CHCHD3: variants seen among roughly 807,000 people sequenced by gnomAD.
CHCHD3 encodes the protein coiled-coil-helix-coiled-coil-helix domain containing 3.
CHCHD3 carries 20 observed loss-of-function variants against 38.2 expected under a neutral mutation model. The observed-to-expected ratio is 0.52, with a 90% CI of 0.37 to 0.76. The LOEUF (loss-of-function observed/expected upper bound fraction) is 0.76. Ranked by LOEUF, CHCHD3 falls within the 30% of genes least tolerant of loss-of-function variation. The probability of loss-of-function intolerance (pLI) is 0.00; values close to 1 mark genes in which losing one functional copy is unlikely to be tolerated. For synonymous variants in CHCHD3, 82 were observed against 100.0 expected, an observed-to-expected ratio of 0.82 and a Z score of 1.07; for missense variants, 245 against 279.2, an observed-to-expected ratio of 0.88 and a Z score of 0.87.
intron 2 of CHCHD3, among the ~76,000 whole-genome samples, chr7:133,064,064 C>T (rs931975408): frequency 1.3e-5 from 2 of 152,204 alleles, no homozygotes; most frequent in Admixed American, 1.3e-4. Flanking sequence ...ATCTCACTCA[C>T]ATGTTGATTC....
At chr7:133,072,199 A>G (rs937698839) in intron 1 of CHCHD3, among the ~76,000 whole-genome samples, 23 of 152,080 alleles carry the variant, frequency 1.5e-4, no homozygotes, top group African/African-American at 5.5e-4. Context: ...TTGGAATGTA[A>G]ACTTAAAATG....
chr7:132,973,968 A>G (rs1029861568), intron 4 of CHCHD3: 13 of 1,286,778 alleles, frequency 1.0e-5, no homozygotes, highest in Non-Finnish European at 1.3e-5. Flanking sequence ...AGGAAGGCCG[A>G]AGTGGAGGCT....
chr7:132,797,047 T>C (rs1806637688), intron 6 of CHCHD3, among the ~76,000 whole-genome samples: 1 of 152,076 alleles, frequency 6.6e-6, no homozygotes, highest in Non-Finnish European at 1.5e-5. Flanking sequence ...CACCCTCTAC[T>C]CCTGCCTGCA....
At chr7:132,922,891 T>C (rs1269603404) in intron 4 of CHCHD3, among the ~76,000 whole-genome samples, 6 of 152,158 alleles carry the variant, frequency 3.9e-5, no homozygotes, top group African/African-American at 1.2e-4. Context: ...GAAACTTCAT[T>C]CCAAATGATG....
At chr7:133,038,333 GCA>G (rs1813736124) in intron 2 of CHCHD3, among the ~76,000 whole-genome samples, 2 of 152,112 alleles carry the variant, frequency 1.3e-5, no homozygotes, top group Non-Finnish European at 2.9e-5. Context: ...AGAATTTACA[GCA>G]CACAGTTTCT....
At chr7:132,996,780 G>T (rs893343950) in intron 3 of CHCHD3, among the ~76,000 whole-genome samples, 25 of 152,100 alleles carry the variant, frequency 1.6e-4, no homozygotes, top group African/African-American at 3.6e-4. Context: ...CTTTCGAAAC[G>T]GACCATTTAC....
chr7:132,870,811 G>A (rs1808750598), intron 5 of CHCHD3, among the ~76,000 whole-genome samples: 1 of 152,044 alleles, frequency 6.6e-6, no homozygotes, highest in Non-Finnish European at 1.5e-5. Context: ...TAGGTAAATA[G>A]TGCCACCATT....
intron 4 of CHCHD3, among the ~76,000 whole-genome samples, chr7:132,940,263 C>A (rs1810732170): frequency 6.6e-6 from 1 of 152,164 alleles, no homozygotes; most frequent in African/African-American, 2.4e-5. Flanking sequence ...CCATTTAACA[C>A]CTCTCAGCAC....
intron 4 of CHCHD3, among the ~76,000 whole-genome samples, chr7:132,930,622 T>C (rs1236496590): frequency 6.6e-6 from 1 of 152,194 alleles, no homozygotes. Flanking sequence ...TTCCCCGCTA[T>C]CCTTTTGCCC....
chr7:132,800,997 T>C (rs1290044594), intron 6 of CHCHD3, among the ~76,000 whole-genome samples: 2 of 152,186 alleles, frequency 1.3e-5, no homozygotes, highest in African/African-American at 4.8e-5. Flanking sequence ...TATAGCACAA[T>C]GCAAAAACTT....
chr7:132,922,809 A>C (rs1316596890), intron 4 of CHCHD3, among the ~76,000 whole-genome samples: 1 of 149,998 alleles, frequency 6.7e-6, no homozygotes. Flanking sequence ...CTGTATTTCA[A>C]GTATGGGGCA....
chr7:132,899,997 C>T lies in CHCHD3; in HGVS notation c.370-14252G>A, dbSNP rs148786757. Among the ~76,000 whole-genome samples, 473 of 152,276 alleles carry T rather than the reference C, an allele frequency of 3.1e-3. 7 individuals are homozygous for T. The highest frequency in any genetic ancestry group is 0.011 in the African/African-American group (451 of 41,536). On this transcript the variant is annotated intron_variant, in intron 4 of 7. Transcript: ENST00000262570. ...ACATTAAACAACATTTGGAAATAACCGTGTGTATGTGACACCTGGATGCCA... is the reference window on the plus strand; with the variant it reads ...ACATTAAACAACATTTGGAAATAACTGTGTGTATGTGACACCTGGATGCCA...
chr7:132,968,024 G>T (rs947899185), intron 4 of CHCHD3, among the ~76,000 whole-genome samples: 1 of 152,094 alleles, frequency 6.6e-6, no homozygotes, highest in Non-Finnish European at 1.5e-5. Context: ...AACAAAACAC[G>T]TTTCTCCTTT....
chr7:132,969,882 T>G (rs539386169), intron 4 of CHCHD3, among the ~76,000 whole-genome samples: 15 of 152,242 alleles, frequency 9.9e-5, no homozygotes, highest in Non-Finnish European at 1.9e-4. Context: ...TCAGAGAAAC[T>G]TAAAAACTGA....
intron 5 of CHCHD3, among the ~76,000 whole-genome samples, chr7:132,846,408 C>G (rs983147729): frequency 3.3e-5 from 5 of 152,254 alleles, no homozygotes; most frequent in African/African-American, 1.2e-4. Context: ...AATTGGTAAC[C>G]TGCAGAATCA....
chr7:132,835,147 G>C (rs2117090353), intron 6 of CHCHD3, among the ~76,000 whole-genome samples: 1 of 142,470 alleles, frequency 7.0e-6, no homozygotes, highest in East Asian at 2.0e-4. Flanking sequence ...GTTAATTTTT[G>C]TATTTTTTTT....
intron 3 of CHCHD3, among the ~76,000 whole-genome samples, chr7:132,992,398 A>G (rs1240612926): frequency 6.6e-6 from 1 of 152,114 alleles, no homozygotes; most frequent in East Asian, 1.9e-4. Flanking sequence ...CCCCTTCCTC[A>G]GACGTCTGAG....
intron 6 of CHCHD3, among the ~76,000 whole-genome samples, chr7:132,826,825 G>A (rs1807520485): frequency 6.6e-6 from 1 of 152,136 alleles, no homozygotes; most frequent in Non-Finnish European, 1.5e-5. Flanking sequence ...TACTGCCTTT[G>A]AAATCCCTTT....
rs1315792901 is a variant in CHCHD3, at chr7:133,035,134, T to C, written c.170-10507A>G. 9 of 1,613,526 alleles carry C rather than the reference T, an allele frequency of 5.6e-6. No individual in the cohort carries two copies. In the African/African-American group the frequency reaches 9.3e-5, roughly 17 times the overall value. On this transcript the variant is annotated intron_variant, in intron 2 of 7. Transcript: ENST00000262570. This position sits in a 1 kb window ranked among gnomAD's most constrained non-coding sequence, Gnocchi z 4.7. ...GCCAGCGCCTGCTCACATTCATCCATCTCCTCCTCAGGAGCAGGGGCAGCC... is the reference window on the plus strand; with the variant it reads ...GCCAGCGCCTGCTCACATTCATCCACCTCCTCCTCAGGAGCAGGGGCAGCC...
Sources: allele counts gnomAD v4.1 joint callset (sites outside exome capture counted in the v4.1 genomes callset), GRCh38; gene constraint gnomAD v4.1.1; non-coding constraint Gnocchi (gnomAD v3.1); transcripts MANE v1.5; gene names NCBI Gene and HGNC (gene_info 2026-07-23, HGNC 2026-07-21).